CABCOCO1: variants seen among roughly 807,000 people sequenced by gnomAD.
The protein encoded by CABCOCO1 is ciliary-associated calcium-binding coiled-coil protein 1.
A neutral mutation model predicts 35.7 loss-of-function variants in CABCOCO1; 28 were observed. That is an observed-to-expected ratio of 0.78 (90% confidence interval 0.58 to 1.07). The LOEUF (loss-of-function observed/expected upper bound fraction) is 1.07. Ranked by LOEUF, CABCOCO1 falls within the 50% of genes least tolerant of loss-of-function variation. The pLI is 0.00. For synonymous variants in CABCOCO1, 95 were observed against 100.1 expected, an observed-to-expected ratio of 0.95 and a Z score of 0.30; for missense variants, 326 against 309.2, an observed-to-expected ratio of 1.05 and a Z score of -0.41.
intron 1 of CABCOCO1, among the ~76,000 whole-genome samples, chr10:61,666,944 TATA>T (rs1839193697): frequency 7.3e-6 from 1 of 136,452 alleles, no homozygotes; most frequent in African/African-American, 2.8e-5. Context: ...AATATAATTA[TATA>T]TTATGTATAA....
chr10:61,759,829 C>T (rs1284030314), intron 5 of CABCOCO1, among the ~76,000 whole-genome samples: 2 of 151,922 alleles, frequency 1.3e-5, no homozygotes, highest in Non-Finnish European at 2.9e-5. Context: ...AATCCTAAAC[C>T]ACAGAGTATC....
chr10:61,700,221 T>C (rs1840413778), intron 5 of CABCOCO1, among the ~76,000 whole-genome samples: 1 of 152,020 alleles, frequency 6.6e-6, no homozygotes. Flanking sequence ...TATATCAAAA[T>C]TTAAAATTTC....
chr10:61,722,491 T>A (rs1204285229), intron 5 of CABCOCO1, among the ~76,000 whole-genome samples: 1 of 152,122 alleles, frequency 6.6e-6, no homozygotes, highest in African/African-American at 2.4e-5. Context: ...CTCAGGTCCT[T>A]AAAATTGTTT....
chr10:61,741,231 C>G (rs1841543766), intron 5 of CABCOCO1, among the ~76,000 whole-genome samples: 1 of 151,904 alleles, frequency 6.6e-6, no homozygotes, highest in African/African-American at 2.4e-5. Flanking sequence ...TAAATGGAAG[C>G]AATGAATAAG....
At chr10:61,712,631 G>A (rs1352517604) in intron 5 of CABCOCO1, among the ~76,000 whole-genome samples, 1 of 152,112 alleles carries the variant, frequency 6.6e-6, no homozygotes, top group Non-Finnish European at 1.5e-5. Context: ...GGTTTTTATG[G>A]TTTTAGATCT....
At chr10:61,684,734 C>T (rs1206603352) in intron 3 of CABCOCO1, among the ~76,000 whole-genome samples, 2 of 152,100 alleles carry the variant, frequency 1.3e-5, no homozygotes, top group Non-Finnish European at 2.9e-5. Context: ...GTCTTATGTC[C>T]ACACACCCAT....
At chr10:61,702,091 C>T (rs1840473598) in intron 5 of CABCOCO1, among the ~76,000 whole-genome samples, 1 of 152,098 alleles carries the variant, frequency 6.6e-6, no homozygotes, top group Non-Finnish European at 1.5e-5. Context: ...AGAGACGGCA[C>T]TTTAAGTTTT....
intron 3 of CABCOCO1, among the ~76,000 whole-genome samples, chr10:61,684,731 G>A (rs1220876765): frequency 6.6e-6 from 1 of 152,062 alleles, no homozygotes; most frequent in Non-Finnish European, 1.5e-5. Flanking sequence ...TCTGTCTTAT[G>A]TCCACACACC....
At chr10:61,706,693 G>A (rs1235831671) in intron 5 of CABCOCO1, among the ~76,000 whole-genome samples, 2 of 152,092 alleles carry the variant, frequency 1.3e-5, no homozygotes, top group Non-Finnish European at 2.9e-5. Context: ...CCATCCAGAG[G>A]CTCCTTTGCT....
chr10:61,705,596 A>T (rs193115220), intron 5 of CABCOCO1, among the ~76,000 whole-genome samples: 1 of 152,320 alleles, frequency 6.6e-6, no homozygotes, highest in African/African-American at 2.4e-5. Flanking sequence ...CAAGTACTAT[A>T]AAGGAAAAAT....
chr10:61,719,726 C>T (rs1330144621), intron 5 of CABCOCO1, among the ~76,000 whole-genome samples: 2 of 151,934 alleles, frequency 1.3e-5, no homozygotes, highest in Non-Finnish European at 2.9e-5. Context: ...TCAAGACCAA[C>T]CTGGCCAACA....
At chr10:61,709,783 T>C (rs1047817273) in intron 5 of CABCOCO1, among the ~76,000 whole-genome samples, 30 of 152,154 alleles carry the variant, frequency 2.0e-4, no homozygotes, top group African/African-American at 6.7e-4. Context: ...TGTATCACTA[T>C]TGGAAATGTA....
chr10:61,716,445 CAG>C (rs1840868442), intron 5 of CABCOCO1, among the ~76,000 whole-genome samples: 1 of 152,104 alleles, frequency 6.6e-6, no homozygotes, highest in South Asian at 2.1e-4. Context: ...GGGGGAGTGA[CAG>C]GGAATTTGCA....
intron 5 of CABCOCO1, among the ~76,000 whole-genome samples, chr10:61,734,742 G>A (rs536331246): frequency 4.6e-5 from 7 of 152,162 alleles, no homozygotes; most frequent in African/African-American, 9.6e-5. Flanking sequence ...TAAGTGGAGC[G>A]CTCTCTGTAG....
At chr10:61,663,254 C>T in intron 1 of CABCOCO1, 1 of 162,100 alleles carries the variant, frequency 6.2e-6, no homozygotes. Context: ...CCGGCCCCGG[C>T]GCGCCGTGCA....
chr10:61,680,550 CAT>C (rs1237692135), intron 2 of CABCOCO1, among the ~76,000 whole-genome samples: 2 of 121,490 alleles, frequency 1.6e-5, no homozygotes, highest in Non-Finnish European at 3.3e-5. Flanking sequence ...TTATATATAA[CAT>C]ATAATATATA....
At chr10:61,734,603 T>C (rs1185152660) in intron 5 of CABCOCO1, among the ~76,000 whole-genome samples, 3 of 152,140 alleles carry the variant, frequency 2.0e-5, no homozygotes, top group Non-Finnish European at 4.4e-5. Flanking sequence ...AATGGATTTT[T>C]ATCTCTTCAC....
intron 5 of CABCOCO1, among the ~76,000 whole-genome samples, chr10:61,709,708 G>A (rs900798911): frequency 6.6e-6 from 1 of 151,158 alleles, no homozygotes; most frequent in African/African-American, 2.4e-5. Context: ...AAAAAAAAAT[G>A]TATAGAGACA....
chr10:61,689,370 T>C (rs754945108), intron 4 of CABCOCO1, among the ~76,000 whole-genome samples: 2 of 152,206 alleles, frequency 1.3e-5, no homozygotes, highest in Non-Finnish European at 2.9e-5. Context: ...TGTCAAAAGC[T>C]AAGTTACTTT....
Sources: allele counts gnomAD v4.1 joint callset (sites outside exome capture counted in the v4.1 genomes callset), GRCh38; gene constraint gnomAD v4.1.1; transcripts MANE v1.5; gene names NCBI Gene and HGNC (gene_info 2026-07-23, HGNC 2026-07-21).